PRKD1: variants seen among roughly 807,000 people sequenced by gnomAD.
PRKD1 encodes the protein serine/threonine-protein kinase D1.
A neutral mutation model predicts 95.9 loss-of-function variants in PRKD1; 63 were observed. That is an observed-to-expected ratio of 0.66 (90% CI 0.54 to 0.81). The LOEUF is 0.81. Among genes scored for constraint, PRKD1 ranks in the 30% least tolerant of loss-of-function variants. The pLI, the probability that PRKD1 is intolerant of heterozygous loss-of-function variation, is 0.00. For synonymous variants in PRKD1, 425 were observed against 423.1 expected, an observed-to-expected ratio of 1.00 and a Z score of -0.05; for missense variants, 1,048 against 1,165.3, an observed-to-expected ratio of 0.90 and a Z score of 1.47.
chr14:29,619,591 T>A (rs2139074866), intron 13 of PRKD1, among the ~76,000 whole-genome samples: 1 of 152,212 alleles, frequency 6.6e-6, no homozygotes, highest in Admixed American at 6.5e-5. Flanking sequence ...ATAAATACAA[T>A]TCTATAGTAG....
chr14:29,841,829 CT>C (rs1371112491), intron 1 of PRKD1, among the ~76,000 whole-genome samples: 1 of 151,816 alleles, frequency 6.6e-6, no homozygotes, highest in African/African-American at 2.4e-5. Flanking sequence ...ACTTTTAAAA[CT>C]TTTTGACTCT....
At chr14:29,773,062 T>A (rs919480143) in intron 1 of PRKD1, among the ~76,000 whole-genome samples, 2 of 152,246 alleles carry the variant, frequency 1.3e-5, no homozygotes, top group Non-Finnish European at 2.9e-5. Flanking sequence ...ATGTTTGCAC[T>A]GTTGAAAATA....
intron 1 of PRKD1, among the ~76,000 whole-genome samples, chr14:29,823,798 T>A (rs1268058688): frequency 2.0e-5 from 3 of 152,166 alleles, no homozygotes; most frequent in African/African-American, 4.8e-5. Context: ...AAATATTACA[T>A]TCACGTTAAT....
At chr14:29,678,758 C>T (rs1460338828) in intron 2 of PRKD1, among the ~76,000 whole-genome samples, 2 of 152,098 alleles carry the variant, frequency 1.3e-5, no homozygotes, top group Admixed American at 6.6e-5. Flanking sequence ...AATTTAATTG[C>T]ATCTCTGATA....
chr14:29,618,774 T>C (rs1048497763), intron 13 of PRKD1, among the ~76,000 whole-genome samples: 1 of 43,948 alleles, frequency 2.3e-5, no homozygotes, highest in Non-Finnish European at 9.1e-5. Flanking sequence ...ATAGAGAAAA[T>C]GAAATGGAAA....
chr14:29,645,302 C>CT (rs1212504643), intron 4 of PRKD1, among the ~76,000 whole-genome samples: 1 of 152,138 alleles, frequency 6.6e-6, no homozygotes, highest in Admixed American at 6.6e-5. Flanking sequence ...ACCAGCTTGT[C>CT]TGTGCTTAGA....
At chr14:29,926,036 G>T (rs1478623355) in intron 1 of PRKD1, among the ~76,000 whole-genome samples, 1 of 152,158 alleles carries the variant, frequency 6.6e-6, no homozygotes, top group Non-Finnish European at 1.5e-5. Context: ...TAATATAAAA[G>T]TAAATTTCCA....
intron 1 of PRKD1, among the ~76,000 whole-genome samples, chr14:29,773,707 T>C (rs1412357550): frequency 6.6e-6 from 1 of 152,196 alleles, no homozygotes; most frequent in Non-Finnish European, 1.5e-5. Context: ...TTTTCTTTAG[T>C]TATGACCATT....
chr14:29,890,062 T>G (rs1042862064), intron 1 of PRKD1, among the ~76,000 whole-genome samples: 1 of 152,210 alleles, frequency 6.6e-6, no homozygotes, highest in Non-Finnish European at 1.5e-5. Context: ...ATTACACATA[T>G]GCATTTCTGA....
At chr14:29,629,774 T>C (rs540132850) in intron 10 of PRKD1, among the ~76,000 whole-genome samples, 23 of 152,270 alleles carry the variant, frequency 1.5e-4, no homozygotes, top group Admixed American at 1.3e-3. Context: ...CAGAGAATTC[T>C]TCCTGGGATA....
At chr14:29,591,138 C>A (rs941919900) in intron 16 of PRKD1, 1 of 152,134 alleles carries the variant, frequency 6.6e-6, no homozygotes, top group Non-Finnish European at 1.5e-5. Context: ...TTATTATACA[C>A]GACTTTGTTA....
chr14:29,589,198 A>C (rs1893040781), intron 16 of PRKD1, among the ~76,000 whole-genome samples: 1 of 152,230 alleles, frequency 6.6e-6, no homozygotes, highest in Non-Finnish European at 1.5e-5. Context: ...GTTCAATTTG[A>C]TAATGGAAAT....
At chr14:29,633,004 G>A (rs1880125635) in intron 8 of PRKD1, 58 bp from the exon 9 acceptor site, 1 of 1,458,190 alleles carries the variant, frequency 6.9e-7, no homozygotes, top group African/African-American at 1.4e-5. Context: ...ATCCCCAATT[G>A]AAAACATAAA....
At chr14:29,657,861 C>A (rs1003702966) in intron 4 of PRKD1, 1 of 152,048 alleles carries the variant, frequency 6.6e-6, no homozygotes, top group Non-Finnish European at 1.5e-5. Context: ...AGCAAGATTC[C>A]ATCTCAAAAC....
At chr14:29,881,033 T>C (rs1893492579) in intron 1 of PRKD1, among the ~76,000 whole-genome samples, 1 of 152,186 alleles carries the variant, frequency 6.6e-6, no homozygotes, top group African/African-American at 2.4e-5. Flanking sequence ...GGGTTAACAC[T>C]GGAATGAGTT....
chr14:29,706,688 T>C (rs2139343014), intron 2 of PRKD1, among the ~76,000 whole-genome samples: 1 of 152,298 alleles, frequency 6.6e-6, no homozygotes, highest in East Asian at 1.9e-4. Flanking sequence ...ATATAATCTT[T>C]ACCAAAAATC....
chr14:29,759,869 A>G (rs1566584348), intron 1 of PRKD1, among the ~76,000 whole-genome samples: 3 of 152,248 alleles, frequency 2.0e-5, no homozygotes, highest in Non-Finnish European at 2.9e-5. Context: ...ATTTTGACTA[A>G]GGGAGACTGC....
chr14:29,730,685 C>T (rs61402762), intron 1 of PRKD1, among the ~76,000 whole-genome samples: 27,344 of 151,836 alleles, frequency 0.18, 2,525 homozygotes, highest in South Asian at 0.24. Flanking sequence ...AATGGAATAC[C>T]ACTCAACCTT....
intron 1 of PRKD1, among the ~76,000 whole-genome samples, chr14:29,795,686 C>T (rs986160649): frequency 1.3e-5 from 2 of 152,044 alleles, no homozygotes; most frequent in Non-Finnish European, 2.9e-5. Flanking sequence ...CAACAATGTG[C>T]AATATTCCCC....
Sources: allele counts gnomAD v4.1 joint callset (sites outside exome capture counted in the v4.1 genomes callset), GRCh38; gene constraint gnomAD v4.1.1; transcripts MANE v1.5; gene names NCBI Gene and HGNC (gene_info 2026-07-23, HGNC 2026-07-21).